The following PGS1 variants were observed in gnomAD, a reference collection of about 807,000 sequenced individuals.
PGS1 encodes CDP-diacylglycerol--glycerol-3-phosphate 3-phosphatidyltransferase, mitochondrial.
PGS1 carries 44 observed loss-of-function variants against 58.3 expected under a neutral mutation model. The observed-to-expected ratio is 0.75, with a 90% CI of 0.59 to 0.97. The LOEUF (loss-of-function observed/expected upper bound fraction) is 0.97, where lower values mean the gene tolerates loss of function less well. Ranked by LOEUF, PGS1 falls within the 50% of genes least tolerant of loss-of-function variation. The probability of loss-of-function intolerance (pLI) is 0.00; values close to 1 mark genes in which losing one functional copy is unlikely to be tolerated. For synonymous variants in PGS1, 330 were observed against 311.0 expected, an observed-to-expected ratio of 1.06 and a Z score of -0.64; for missense variants, 684 against 731.1, an observed-to-expected ratio of 0.94 and a Z score of 0.74.
chr17:78,401,869 TG>T (rs148789239), intron 6 of PGS1, among the ~76,000 whole-genome samples: 9,717 of 152,308 alleles, frequency 0.064, 408 homozygotes, highest in South Asian at 0.12. Context: ...ATTTACCATC[TG>T]ACCCTTAAAG....
chr17:78,422,598 A>AG (rs1417434624), intron 9 of PGS1, among the ~76,000 whole-genome samples: 4 of 129,614 alleles, frequency 3.1e-5, no homozygotes, highest in African/African-American at 1.1e-4. Flanking sequence ...CATGGGCTCA[A>AG]GCGACCCTCC....
intron 1 of PGS1, among the ~76,000 whole-genome samples, chr17:78,383,692 A>G (rs2082190058): frequency 6.6e-6 from 1 of 152,238 alleles, no homozygotes. Flanking sequence ...GTTTGTTTAT[A>G]GCAGTATAAT....
intron 2 of PGS1, among the ~76,000 whole-genome samples, chr17:78,395,922 T>C (rs1325798442): frequency 6.6e-6 from 1 of 152,266 alleles, no homozygotes; most frequent in Non-Finnish European, 1.5e-5. Context: ...ATGTTTTTAG[T>C]AGAGACAGGG....
intron 5 of PGS1, chr17:78,399,948 A>T: frequency 4.0e-6 from 1 of 250,604 alleles, no homozygotes; most frequent in Non-Finnish European, 7.9e-6. Flanking sequence ...GCCCTTTCAC[A>T]GGCCCTCCCC....
chr17:78,419,969 G>A, intron 9 of PGS1: 1 of 1,181,872 alleles, frequency 8.5e-7, no homozygotes, highest in Non-Finnish European at 1.1e-6. Context: ...TTCCCAGGGG[G>A]TCCTGAAGAA....
At chr17:78,381,775 G>GC (rs747079820) in intron 1 of PGS1, among the ~76,000 whole-genome samples, 11 of 152,184 alleles carry the variant, frequency 7.2e-5, no homozygotes, top group Admixed American at 3.3e-4. Flanking sequence ...CATAGAGACA[G>GC]CCAGAGAGAC....
chr17:78,420,952 A>T (rs1429991173), intron 9 of PGS1: 2 of 152,240 alleles, frequency 1.3e-5, no homozygotes, highest in African/African-American at 2.4e-5. Context: ...AGAATGTCTT[A>T]GTATCATCAA....
chr17:78,392,508 C>T lies in PGS1; in HGVS notation c.176C>T (p.Ser59Phe). The T allele has an allele frequency of 6.2e-7, 1 of 1,613,860 alleles. No individual in the cohort carries two copies. The highest frequency in any genetic ancestry group is 8.5e-7 in the Non-Finnish European group (1 of 1,179,900). ...TGGCTGTTATTGGCTCCCTTGCTGT[C>T]CCCAGCTGTTCCCCAGGTCACCTCC... ...SPWLLLAPLL[S>F]PAVPQVTSPP... is the part of the protein sequence containing the mutation. Residue 59 changes from serine (S) to phenylalanine (F), a missense_variant, in exon 2 of 10, where the codon TCC (serine) becomes TTC (phenylalanine). Physicochemically the swap from Ser to Phe is radical, Grantham distance 155. Transcript: ENST00000262764.
intron 7 of PGS1, among the ~76,000 whole-genome samples, chr17:78,414,645 A>G (rs1189050877): frequency 6.6e-6 from 1 of 152,080 alleles, no homozygotes; most frequent in Non-Finnish European, 1.5e-5. Flanking sequence ...GGTGAAAGCA[A>G]AGACCAGCAG....
chr17:78,422,354 A>C (rs1264919927), intron 9 of PGS1, among the ~76,000 whole-genome samples: 1 of 152,156 alleles, frequency 6.6e-6, no homozygotes, highest in African/African-American at 2.4e-5. Flanking sequence ...CTGGGCGCTA[A>C]GATTGTTGTG....
In PGS1 at chr17:78,408,561, G is replaced by C. The variant is rs562117616; in HGVS notation, c.1402+4472G>C. On this transcript the variant is annotated intron_variant, in intron 7 of 9. Transcript: ENST00000262764. ...ATCACACTGGGGGCCGAGGGCTGCT[G>C]CGCGTCCCTGAGCGAATAGATTGGC... is the stretch of plus-strand genomic sequence containing the variant. Among the ~76,000 whole-genome samples the C allele has an allele frequency of 7.2e-5, 11 of 152,354 alleles. No individual in the cohort carries two copies. In the South Asian group the frequency reaches 2.3e-3, roughly 32 times the overall value.
intron 6 of PGS1, 54 bp from the exon 7 acceptor site, chr17:78,403,514 G>C: frequency 6.4e-7 from 1 of 1,558,506 alleles, no homozygotes. Flanking sequence ...GAGCTGGGCA[G>C]AGTCCAGACC....
chr17:78,420,989 C>T (rs2085680288), intron 9 of PGS1: 1 of 152,212 alleles, frequency 6.6e-6, no homozygotes, highest in South Asian at 2.1e-4. Context: ...CACAATTCCA[C>T]TTGCCTTAAA....
Position 78,403,895 on chromosome 17 carries a change from G to A in PGS1, c.1208G>A (p.Arg403Gln), listed in dbSNP as rs760317902. ...TACATGGACCTGGTCTTGGGCACTC[G>A]GGCTGAGTACCAGATCCTGCTGGCC... ...QAYMDLVLGT[R>Q]AEYQILLASP... is the part of the protein sequence containing the mutation. The change falls in exon 7 of 10, where the codon CGG (arginine) becomes CAG (glutamine). Residue 403 changes from arginine (R) to glutamine (Q), a missense_variant. Transcript: ENST00000262764. 15 of 1,614,012 alleles carry A rather than the reference G, an allele frequency of 9.3e-6. No individual in the cohort carries two copies. The Admixed American group carries it at 1.5e-4, about 16-fold the overall frequency.
At chr17:78,416,296 G>A (rs774062084) in intron 8 of PGS1, among the ~76,000 whole-genome samples, 2 of 152,240 alleles carry the variant, frequency 1.3e-5, no homozygotes, top group African/African-American at 2.4e-5. Context: ...AGCTGGCCTT[G>A]GAGCCAGGCT....
intron 4 of PGS1, 151 bp downstream of exon 4, chr17:78,398,502 G>A: frequency 3.1e-6 from 2 of 636,660 alleles, no homozygotes; most frequent in Non-Finnish European, 5.5e-6. Flanking sequence ...GTGTGAGTTA[G>A]GATTTTTTTC....
At chr17:78,386,599 T>C (rs966128502) in intron 1 of PGS1, among the ~76,000 whole-genome samples, 1 of 152,160 alleles carries the variant, frequency 6.6e-6, no homozygotes, top group Non-Finnish European at 1.5e-5. Flanking sequence ...AACTAGACTT[T>C]TTTGGTAAAA....
chr17:78,397,583 T>C (rs1284541667), intron 3 of PGS1, among the ~76,000 whole-genome samples: 1 of 99,402 alleles, frequency 1.0e-5, no homozygotes, highest in Non-Finnish European at 2.2e-5. Context: ...ATTACAGGCA[T>C]GCGCCACCCC....
At chr17:78,379,117 C>G (rs1238050024) in intron 1 of PGS1, among the ~76,000 whole-genome samples, 1 of 152,194 alleles carries the variant, frequency 6.6e-6, no homozygotes, top group East Asian at 1.9e-4. Context: ...CGTGCACTTA[C>G]ACGTTAAAAG....
Sources: allele counts gnomAD v4.1 joint callset (sites outside exome capture counted in the v4.1 genomes callset), GRCh38; gene constraint gnomAD v4.1.1; transcripts MANE v1.5; gene names NCBI Gene and HGNC (gene_info 2026-07-23, HGNC 2026-07-21).